Variants in DSC3 observed in about 807,000 individuals in gnomAD.
DSC3 encodes the protein desmocollin 3.
In DSC3, 97 loss-of-function variants were observed where a neutral mutation model predicts 89.5. That is an observed-to-expected ratio of 1.08 (90% CI 0.92 to 1.28). The LOEUF (loss-of-function observed/expected upper bound fraction) is 1.28, where lower values mean the gene tolerates loss of function less well. DSC3 is among the 50% of genes most tolerant of loss of function. The pLI is 0.00. For synonymous variants in DSC3, 436 were observed against 384.1 expected (o/e 1.14, Z -1.58); for missense variants, 1,199 against 1,085.3 (o/e 1.10, Z -1.47).
Position 31,042,635 on chromosome 18 carries a change from G to C in DSC3, c.26C>G (p.Ser9Cys), listed in dbSNP as rs1341424928. 6.5e-7 allele frequency: 1 copy of C among 1,550,134 alleles called. No individual in the cohort carries two copies. Among genetic ancestry groups the C allele is most frequent in the Non-Finnish European group, 8.7e-7 (1 of 1,146,702 alleles). The part of the protein sequence containing the change: MAAAGPRR[S>C]VRGAVCLHLL... ...ATGCAGGCAGACGGCTCCGCGCACG[G>C]AGCGCCGGGGCCCAGCGGCGGCCAT... The change falls in exon 1 of 16, where the codon TCC becomes TGC. Residue 9 changes from serine (S) to cysteine (C), a missense_variant. By Grantham distance (112) the Ser-to-Cys change is moderately radical. Transcript: ENST00000360428.
At chr18:31,029,477 A>G (rs754648046) in intron 4 of DSC3, 32 bp downstream of exon 4, 1 of 1,613,218 alleles carries the variant, frequency 6.2e-7, no homozygotes, top group Non-Finnish European at 8.5e-7. Flanking sequence ...TTAGAATTAA[A>G]GCAACCCTGA....
Position 30,994,015 on chromosome 18 carries a change from A to T in DSC3, c.*160T>A. On this transcript the variant is annotated 3_prime_UTR_variant, in exon 16 of 16. Coordinates refer to ENST00000360428, the MANE Select transcript of DSC3 (RefSeq NM_001941.5). The stretch of plus-strand genomic sequence containing the variant: ...TAACATTTTTCACTTTTTGGAAAAG[A>T]TAAGCAACAACTTGCTTTAAAAATA... 1.4e-6 allele frequency: 1 copy of T among 720,344 alleles called. No individual in the cohort carries two copies. The highest frequency in any genetic ancestry group is 2.3e-6 in the Non-Finnish European group (1 of 437,848). 44.6% of individuals were successfully genotyped at this position (720,344 alleles called of 1,614,324 possible). A position where few individuals can be genotyped will look rare whatever the true frequency, so the allele number is the denominator to read the frequency against.
At chr18:31,010,434 G>A (rs1985020062) in intron 9 of DSC3, among the ~76,000 whole-genome samples, 2 of 152,230 alleles carry the variant, frequency 1.3e-5, no homozygotes, top group Admixed American at 6.5e-5. Context: ...AGAAACACTC[G>A]CTGAAGCCTT....
At chr18:31,026,398 G>C (rs1408202718) in intron 4 of DSC3, among the ~76,000 whole-genome samples, 2 of 152,036 alleles carry the variant, frequency 1.3e-5, no homozygotes, top group Non-Finnish European at 2.9e-5. Flanking sequence ...TTTAGACAAG[G>C]GTAACATCAT....
intron 11 of DSC3, 131 bp downstream of exon 11, chr18:31,007,885 A>G: frequency 1.2e-6 from 1 of 850,234 alleles, no homozygotes; most frequent in South Asian, 1.8e-5. Flanking sequence ...TAATTAAGAG[A>G]GACAGAAAGA....
intron 15 of DSC3, 122 bp downstream of exon 15, chr18:30,996,669 T>C: frequency 1.8e-6 from 2 of 1,101,068 alleles, no homozygotes; most frequent in South Asian, 2.0e-5. Context: ...CACGGGAAAA[T>C]GAACAGAGCA....
chr18:30,994,575 C>T, intron 15 of DSC3: 3 of 1,137,898 alleles, frequency 2.6e-6, no homozygotes, highest in Non-Finnish European at 3.8e-6. Context: ...TTCTAGTGCT[C>T]CATATAAATA....
chr18:31,003,824 C>G (rs1984744122), intron 13 of DSC3, among the ~76,000 whole-genome samples: 1 of 152,118 alleles, frequency 6.6e-6, no homozygotes, highest in Non-Finnish European at 1.5e-5. Flanking sequence ...TTTCCTAAGG[C>G]AGAAATTTTA....
chr18:31,008,379 T>C lies in DSC3; in HGVS notation c.1410A>G (p.Glu470=), dbSNP rs1315059279. 6 of 1,614,030 alleles carry C rather than the reference T, an allele frequency of 3.7e-6. No individual in the cohort carries two copies. Among genetic ancestry groups the C allele is most frequent in the Non-Finnish European group, 5.1e-6 (6 of 1,180,026 alleles). The part of the protein sequence containing the change: ...VHVRDLDEGP[E]CTPAAQYVRI... ...GCACATATTGGGCTGCAGGAGTGCA[T>C]TCAGGCCCCTCATCCAGATCCCTCA... Residue 470 remains glutamate (E), a synonymous_variant, in exon 10 of 16, where the codon GAA becomes GAG. Coordinates refer to ENST00000360428, the MANE Select transcript of DSC3 (RefSeq NM_001941.5).
chr18:30,996,712 A>C (rs1984477225), intron 15 of DSC3, 79 bp downstream of exon 15: 1 of 1,571,110 alleles, frequency 6.4e-7, no homozygotes, highest in Non-Finnish European at 8.7e-7. Context: ...AATACAGAAA[A>C]TATATGTTAA....
chr18:31,014,086 T>C (rs1036726278), intron 9 of DSC3, among the ~76,000 whole-genome samples: 2 of 152,098 alleles, frequency 1.3e-5, no homozygotes, highest in Admixed American at 6.6e-5. Context: ...GCAAAACTGT[T>C]TACATACTAA....
At chr18:31,024,733 C>T (rs1985540000) in intron 5 of DSC3, among the ~76,000 whole-genome samples, 1 of 152,032 alleles carries the variant, frequency 6.6e-6, no homozygotes, top group Non-Finnish European at 1.5e-5. Flanking sequence ...ACAGTGAAGT[C>T]GGGGCTGACT....
At position 31,031,099 on chromosome 18, in the gene DSC3, A is replaced by T; in HGVS notation, c.228T>A (p.Asp76Glu). The change falls in exon 3 of 16, where the codon GAT becomes GAA. Residue 76 changes from aspartate to glutamate, a missense_variant. By Grantham distance (45) the Asp-to-Glu change is conservative. Coordinates refer to ENST00000360428, the MANE Select transcript of DSC3 (RefSeq NM_001941.5). ...SSDPDFRVLN[D>E]GSVYTARAVA... is the part of the protein sequence containing the mutation. The stretch of plus-strand genomic sequence containing the variant: ...CAGCCCTGGCTGTGTACACTGACCC[A>T]TCATTTAGAACTCTGAAATCAGGAT... The T allele has an allele frequency of 6.2e-7, 1 of 1,613,922 alleles. No individual in the cohort carries two copies. Among genetic ancestry groups the T allele is most frequent in the African/African-American group, 1.3e-5 (1 of 75,032 alleles).
Position 31,031,169 on chromosome 18 carries a change from T to C in DSC3, c.158A>G (p.Asn53Ser). 3 of 1,607,958 alleles carry C rather than the reference T, an allele frequency of 1.9e-6. No individual in the cohort carries two copies. Among genetic ancestry groups the C allele is most frequent in the Non-Finnish European group, 2.5e-6 (3 of 1,177,574 alleles). Reference sequence around the variant, plus strand: ...TGCAGACCTGAAGCACTCTTCCAAATTAACTGCAAGTAAAAATTTCCAAGT... The same window carrying C: ...TGCAGACCTGAAGCACTCTTCCAAACTAACTGCAAGTAAAAATTTCCAAGT... ...LEADKIIGRV[N>S]LEECFRSADL... The change falls in exon 3 of 16, where the codon AAT (asparagine) becomes AGT (serine). Residue 53 changes from asparagine to serine, a missense_variant. Physicochemically the swap from Asn to Ser is conservative, Grantham distance 46. Coordinates refer to ENST00000360428, the MANE Select transcript of DSC3 (RefSeq NM_001941.5).
chr18:30,997,473 G>A (rs7231188), intron 14 of DSC3, among the ~76,000 whole-genome samples: 5,011 of 152,162 alleles, frequency 0.033, 307 homozygotes, highest in African/African-American at 0.11. Context: ...CTCATGATAA[G>A]GACAGTAATC....
chr18:31,011,296 C>G (rs1261369953), intron 9 of DSC3, among the ~76,000 whole-genome samples: 1 of 152,108 alleles, frequency 6.6e-6, no homozygotes, highest in Non-Finnish European at 1.5e-5. Flanking sequence ...GTCACAGAGG[C>G]GAATGAAGGG....
intron 4 of DSC3, among the ~76,000 whole-genome samples, chr18:31,028,810 T>A (rs1985683977): frequency 6.6e-6 from 1 of 152,126 alleles, no homozygotes; most frequent in East Asian, 1.9e-4. Flanking sequence ...ATTATTAAGA[T>A]AAAGTTAAAC....
intron 1 of DSC3, among the ~76,000 whole-genome samples, chr18:31,034,847 G>A (rs1985920616): frequency 1.3e-5 from 2 of 152,068 alleles, no homozygotes; most frequent in Admixed American, 1.3e-4. Context: ...TATTTTTAAG[G>A]TGATGAAAAA....
rs529983376 is a variant in DSC3, at chr18:31,012,629, G to T, written c.1264-4104C>A. ...GAAGAATTAGAATAACAACCACATG[G>T]GCTTGTTTTGGAAAGATAAATAAAT... On this transcript the variant is annotated intron_variant, in intron 9 of 15. Transcript: ENST00000360428. 6.4e-4 allele frequency among the ~76,000 whole-genome samples: 98 copies of T among 152,206 alleles called. 1 individual carries two copies. Among genetic ancestry groups the T allele is most frequent in the African/African-American group, 2.3e-3 (96 of 41,510 alleles).
Sources: gnomAD v4.1 joint callset for allele counts (sites outside exome capture counted in the v4.1 genomes callset) on GRCh38, gnomAD v4.1.1 for gene constraint, MANE v1.5 for transcripts, NCBI Gene and HGNC (gene_info 2026-07-23, HGNC 2026-07-21) for gene names.